The following PDE4D variants were observed in gnomAD, a reference collection of about 807,000 sequenced individuals.
The protein encoded by PDE4D is phosphodiesterase 4D.
A neutral mutation model predicts 87.4 loss-of-function variants in PDE4D; 24 were observed. The ratio of observed to expected loss-of-function variants is 0.27; its 90% CI spans 0.20 to 0.39. The LOEUF (loss-of-function observed/expected upper bound fraction) is 0.39. PDE4D is among the 10% of genes least tolerant of loss of function. The pLI, the probability that PDE4D is intolerant of heterozygous loss-of-function variation, is 1.00. For synonymous variants in PDE4D, 384 were observed against 383.2 expected, an observed-to-expected ratio of 1.00 and a Z score of -0.02; for missense variants, 714 against 1,041.0, an observed-to-expected ratio of 0.69 and a Z score of 4.32.
intron 3 of PDE4D, among the ~76,000 whole-genome samples, chr5:59,978,939 T>A (rs1362978902): frequency 6.6e-6 from 1 of 152,168 alleles, no homozygotes; most frequent in East Asian, 1.9e-4. Flanking sequence ...AATTAAGTAT[T>A]TCTTACTTAA....
At chr5:59,226,845 C>A (rs981349175) in intron 1 of PDE4D, among the ~76,000 whole-genome samples, 1 of 148,916 alleles carries the variant, frequency 6.7e-6, no homozygotes, top group African/African-American at 2.6e-5. Context: ...CAATGGGAAG[C>A]GGAAAGTGTC....
chr5:58,985,855 T>A (rs556482731), intron 11 of PDE4D, among the ~76,000 whole-genome samples: 13 of 152,254 alleles, frequency 8.5e-5, no homozygotes, highest in Non-Finnish European at 1.6e-4. Context: ...TACAAGTTAT[T>A]AGAAGGATTC....
At chr5:60,223,532 C>T (rs1253424706) in intron 1 of PDE4D, among the ~76,000 whole-genome samples, 2 of 152,044 alleles carry the variant, frequency 1.3e-5, no homozygotes, top group Non-Finnish European at 2.9e-5. Context: ...TCTCCTATTA[C>T]CTTTGTTCAG....
chr5:59,268,871 T>C (rs1305212348), intron 1 of PDE4D, among the ~76,000 whole-genome samples: 1 of 152,154 alleles, frequency 6.6e-6, no homozygotes, highest in African/African-American at 2.4e-5. Flanking sequence ...CAGTTTCATC[T>C]TAGAATCTAC....
At chr5:59,260,730 A>C (rs1761852818) in intron 1 of PDE4D, among the ~76,000 whole-genome samples, 1 of 151,762 alleles carries the variant, frequency 6.6e-6, no homozygotes, top group South Asian at 2.1e-4. Context: ...AAAAAAACAA[A>C]GCTTCAAAAA....
chr5:60,143,651 A>ATGTG (rs920912724), intron 2 of PDE4D, among the ~76,000 whole-genome samples: 1 of 82,654 alleles, frequency 1.2e-5, no homozygotes, highest in African/African-American at 5.3e-5. Context: ...GTGTGTGTGT[A>ATGTG]TGTGTGTGTG....
intron 5 of PDE4D, chr5:59,174,421 T>G (rs1411310143): frequency 6.6e-6 from 1 of 152,644 alleles, no homozygotes; most frequent in Non-Finnish European, 1.5e-5. Flanking sequence ...CACTGCATCA[T>G]GTGTCTCCCC....
intron 1 of PDE4D, among the ~76,000 whole-genome samples, chr5:59,493,845 A>G (rs1406165124): frequency 6.6e-6 from 1 of 152,216 alleles, no homozygotes; most frequent in Non-Finnish European, 1.5e-5. Flanking sequence ...ATGAAGCTAT[A>G]CAAACCCCAA....
intron 1 of PDE4D, among the ~76,000 whole-genome samples, chr5:60,502,480 A>G (rs1750129587): frequency 6.6e-6 from 1 of 152,150 alleles, no homozygotes; most frequent in African/African-American, 2.4e-5. Context: ...TGACTTGGCA[A>G]TGCGGGATCT....
At chr5:59,367,123 C>T (rs572752373) in intron 1 of PDE4D, among the ~76,000 whole-genome samples, 31 of 152,272 alleles carry the variant, frequency 2.0e-4, no homozygotes, top group African/African-American at 7.2e-4. Flanking sequence ...ATTCAAAGAA[C>T]GTGTATTTGC....
chr5:59,756,449 G>A (rs1382437222), intron 1 of PDE4D, among the ~76,000 whole-genome samples: 1 of 150,900 alleles, frequency 6.6e-6, no homozygotes, highest in African/African-American at 2.4e-5. Context: ...ATAAGATACA[G>A]AATCATTCAT....
In PDE4D at chr5:59,134,126, C is replaced by G. The variant is rs190384483; in HGVS notation, c.808+46469G>C. Among the ~76,000 whole-genome samples, 10 of 149,548 alleles carry G rather than the reference C, an allele frequency of 6.7e-5. No individual in the cohort carries two copies. In the East Asian group the frequency reaches 2.0e-3, roughly 29 times the overall value. On this transcript the variant is annotated intron_variant, in intron 5 of 14. Transcript: ENST00000340635. ...CTTTTGCTTTCTTGGGATTGCATGA[C>G]TCACCTCCCTCATAAAGCTAGCATG...
At chr5:59,988,394 A>C in intron 3 of PDE4D, 1 of 705,138 alleles carries the variant, frequency 1.4e-6, no homozygotes, top group Admixed American at 3.0e-5. Flanking sequence ...TCTCCCACTC[A>C]AATCAAGCAA....
At chr5:59,652,486 A>G (rs1393449281) in intron 1 of PDE4D, among the ~76,000 whole-genome samples, 1 of 152,210 alleles carries the variant, frequency 6.6e-6, no homozygotes, top group East Asian at 1.9e-4. Context: ...GATGTGTAAC[A>G]ATAAGCATTT....
chr5:59,413,365 G>A (rs1317349109), intron 1 of PDE4D, among the ~76,000 whole-genome samples: 1 of 149,998 alleles, frequency 6.7e-6, no homozygotes, highest in Admixed American at 6.7e-5. Context: ...AGCTGAGGCA[G>A]GAGAATGGCG....
At chr5:60,363,955 A>C (rs1760303272) in intron 1 of PDE4D, among the ~76,000 whole-genome samples, 1 of 152,196 alleles carries the variant, frequency 6.6e-6, no homozygotes, top group Non-Finnish European at 1.5e-5. Flanking sequence ...AAAATCCAAG[A>C]TCTTTACCTT....
intron 1 of PDE4D, among the ~76,000 whole-genome samples, chr5:59,814,159 C>G (rs566367016): frequency 3.8e-4 from 58 of 152,048 alleles, no homozygotes; most frequent in South Asian, 1.0e-3. Flanking sequence ...CACTAGGGGG[C>G]GGCAAACGAT....
At chr5:60,396,812 T>C (rs1438737330) in intron 1 of PDE4D, among the ~76,000 whole-genome samples, 1 of 152,218 alleles carries the variant, frequency 6.6e-6, no homozygotes, top group African/African-American at 2.4e-5. Flanking sequence ...TTAGGCTTGC[T>C]TCTGCTGACT....
chr5:59,851,538 T>C (rs1048213325), intron 1 of PDE4D, among the ~76,000 whole-genome samples: 7 of 152,024 alleles, frequency 4.6e-5, no homozygotes, highest in Admixed American at 4.6e-4. Context: ...ATAGAATCTG[T>C]GAATACTACG....
Sources: gnomAD v4.1 joint callset for allele counts (sites outside exome capture counted in the v4.1 genomes callset) on GRCh38, gnomAD v4.1.1 for gene constraint, MANE v1.5 for transcripts, NCBI Gene and HGNC (gene_info 2026-07-23, HGNC 2026-07-21) for gene names.